ARMC8: variants seen among roughly 807,000 people sequenced by gnomAD.
ARMC8 encodes the protein armadillo repeat containing 8, also known as armadillo repeat-containing protein 8.
In ARMC8, 20 loss-of-function variants were observed where a neutral mutation model predicts 99.3. The observed-to-expected ratio is 0.20, with a 90% CI of 0.14 to 0.29. The LOEUF is 0.29. ARMC8 is among the 10% of genes least tolerant of loss of function. The pLI is 1.00. For missense variants in ARMC8, 569 were observed against 809.5 expected (o/e 0.70, Z 3.60); for synonymous variants, 263 against 278.3 (o/e 0.95, Z 0.55).
At chr3:138,228,612 T>A (rs2045817673) in intron 5 of ARMC8, 1 of 450,828 alleles carries the variant, frequency 2.2e-6, no homozygotes, top group Non-Finnish European at 4.4e-6. Flanking sequence ...GTTTCAGAAC[T>A]GATTTCTGTC....
At chr3:138,280,952 A>G (rs2049847310) in intron 18 of ARMC8, among the ~76,000 whole-genome samples, 1 of 152,086 alleles carries the variant, frequency 6.6e-6, no homozygotes, top group Non-Finnish European at 1.5e-5. Flanking sequence ...GAGTTTAGCC[A>G]ACTGTTTCTT....
intron 10 of ARMC8, among the ~76,000 whole-genome samples, chr3:138,240,370 T>G (rs1466803194): frequency 6.6e-6 from 1 of 152,176 alleles, no homozygotes; most frequent in African/African-American, 2.4e-5. Context: ...AGAATTAATT[T>G]AATGAGATCT....
chr3:138,269,025 C>G (rs148018064), intron 15 of ARMC8, among the ~76,000 whole-genome samples: 1 of 152,146 alleles, frequency 6.6e-6, no homozygotes, highest in African/African-American at 2.4e-5. Context: ...TGTACGCATC[C>G]TACTTTCACA....
At chr3:138,234,561 T>G (rs1003412580) in intron 6 of ARMC8, among the ~76,000 whole-genome samples, 1 of 152,226 alleles carries the variant, frequency 6.6e-6, no homozygotes, top group Non-Finnish European at 1.5e-5. Context: ...GTGGTCCAGT[T>G]CCTTTTACAA....
At chr3:138,293,276 T>C (rs943067282) in intron 21 of ARMC8, among the ~76,000 whole-genome samples, 5 of 152,228 alleles carry the variant, frequency 3.3e-5, no homozygotes, top group Non-Finnish European at 7.3e-5. Context: ...GCGCGGTGGC[T>C]CACGCCTGTA....
chr3:138,284,419 G>T lies in ARMC8; in HGVS notation c.1726-12G>T, dbSNP rs567740683. 53 of 1,606,934 alleles carry T rather than the reference G, an allele frequency of 3.3e-5. 2 individuals carry two copies. Among genetic ancestry groups the T allele is most frequent in the African/African-American group, 2.4e-4 (18 of 74,858 alleles). On this transcript the variant is annotated splice_polypyrimidine_tract_variant and intron_variant, in intron 18 of 21. Transcript: ENST00000469044. ...GAGCTTTCCTGACTGTTGGCCCTTT[G>T]TTCTTTTCCAGACACTGTGCATCTT...
chr3:138,281,526 C>G (rs1462043567), intron 18 of ARMC8, among the ~76,000 whole-genome samples: 1 of 152,094 alleles, frequency 6.6e-6, no homozygotes, highest in Non-Finnish European at 1.5e-5. Flanking sequence ...CTCTTGACCT[C>G]GTAATCCACC....
chr3:138,262,865 A>C (rs1338371992), intron 12 of ARMC8, among the ~76,000 whole-genome samples: 1 of 152,228 alleles, frequency 6.6e-6, no homozygotes, highest in Non-Finnish European at 1.5e-5. Context: ...GTGGCTGAGC[A>C]TATAGACTCT....
At chr3:138,268,258 CA>C (rs2048463675) in intron 15 of ARMC8, among the ~76,000 whole-genome samples, 1 of 151,460 alleles carries the variant, frequency 6.6e-6, no homozygotes, top group East Asian at 1.9e-4. Flanking sequence ...TAAAACAAAA[CA>C]AAAAAACAAG....
At chr3:138,197,241 T>C (rs547581981) in intron 1 of ARMC8, among the ~76,000 whole-genome samples, 18 of 152,208 alleles carry the variant, frequency 1.2e-4, no homozygotes, top group Non-Finnish European at 1.8e-4. Context: ...GGTACTGTAA[T>C]AGGAAAGTGA....
chr3:138,293,369 G>A (rs538762751), intron 21 of ARMC8, among the ~76,000 whole-genome samples: 16 of 152,228 alleles, frequency 1.1e-4, no homozygotes, highest in East Asian at 1.9e-4. Context: ...GTGAAACCCC[G>A]TCTCTACTAA....
chr3:138,189,091 A>G (rs762970582), intron 1 of ARMC8, among the ~76,000 whole-genome samples: 1 of 152,110 alleles, frequency 6.6e-6, no homozygotes, highest in Non-Finnish European at 1.5e-5. Context: ...TTTATCCTTC[A>G]GTTCACCTGA....
rs905201941 is a variant in ARMC8, at chr3:138,187,578, A to G, written c.24A>G (p.Pro8=). The G allele has an allele frequency of 1.4e-5, 21 of 1,535,596 alleles. No homozygotes were observed. The highest frequency in any genetic ancestry group is 1.7e-5 in the Non-Finnish European group (20 of 1,146,660). The change falls in exon 1 of 22, where the codon CCA becomes CCG. Residue 8 remains proline, a synonymous_variant. Transcript: ENST00000469044. The part of the protein sequence containing the change: MACLLET[P]IRMSVLSEVT... ...AGATGGCGTGCTTGTTGGAGACCCC[A>G]ATCCGCATGAGCGTCCTTTCGGTGA...
At chr3:138,248,095 T>G (rs2046964087) in intron 12 of ARMC8, among the ~76,000 whole-genome samples, 1 of 152,198 alleles carries the variant, frequency 6.6e-6, no homozygotes, top group Non-Finnish European at 1.5e-5. Context: ...TCCTGTCAGC[T>G]AGAGTGAAGG....
chr3:138,247,561 A>G (rs946465070), intron 12 of ARMC8, among the ~76,000 whole-genome samples: 1 of 152,246 alleles, frequency 6.6e-6, no homozygotes, highest in Non-Finnish European at 1.5e-5. Context: ...TTCGGTAAAT[A>G]ACATGTATTC....
At position 138,273,188 on chromosome 3, in the gene ARMC8, G is replaced by C. The variant is rs533617361; in HGVS notation, c.1629+72G>C. The C allele has an allele frequency of 5.1e-5, 74 of 1,437,406 alleles. No individual in the cohort carries two copies. The African/African-American group carries it at 6.6e-4, about 13-fold the overall frequency. 89.0% of individuals were successfully genotyped at this position (1,437,406 alleles called of 1,614,324 possible). On this transcript the variant is annotated intron_variant, in intron 17 of 21. Coordinates refer to ENST00000469044, the MANE Select transcript of ARMC8 (RefSeq NM_001363941.2). Reference sequence around the variant, plus strand: ...CATTGCAAGACATTGCTCTCTCTCTGTGCTCTCATTAACATCTGCCCATGA... The same window carrying C: ...CATTGCAAGACATTGCTCTCTCTCTCTGCTCTCATTAACATCTGCCCATGA...
At chr3:138,267,970 C>T (rs560968482) in intron 15 of ARMC8, among the ~76,000 whole-genome samples, 4 of 152,064 alleles carry the variant, frequency 2.6e-5, no homozygotes, top group South Asian at 4.2e-4. Context: ...TGGCCAGGCA[C>T]GGTGGTTCAT....
chr3:138,245,192 G>A lies in ARMC8; in HGVS notation c.1134+9G>A. On this transcript the variant is annotated intron_variant, in intron 12 of 21. Transcript: ENST00000469044. ...AAGACATCCGGAAGAAGGTGAGTCT[G>A]GGAGAGGGGCGTCCCCCAGTCCTGA... is the stretch of plus-strand genomic sequence containing the variant. 1 of 1,614,210 alleles carries A rather than the reference G, an allele frequency of 6.2e-7. No homozygotes were observed.
intron 16 of ARMC8, among the ~76,000 whole-genome samples, chr3:138,272,196 A>C (rs914463774): frequency 6.6e-6 from 1 of 152,164 alleles, no homozygotes; most frequent in Non-Finnish European, 1.5e-5. Flanking sequence ...GCCAACACCT[A>C]CCATAGTATT....
Sources: allele counts gnomAD v4.1 joint callset (sites outside exome capture counted in the v4.1 genomes callset), GRCh38; gene constraint gnomAD v4.1.1; transcripts MANE v1.5; gene names NCBI Gene and HGNC (gene_info 2026-07-23, HGNC 2026-07-21).